The following CLIC5 variants were observed in gnomAD, a reference collection of about 807,000 sequenced individuals.
The protein encoded by CLIC5 is CLIC family member 5.
CLIC5 carries 20 observed loss-of-function variants against 24.7 expected under a neutral mutation model. The ratio of observed to expected loss-of-function variants is 0.81; its 90% confidence interval spans 0.57 to 1.18. The LOEUF (loss-of-function observed/expected upper bound fraction) is 1.18, where lower values mean the gene tolerates loss of function less well. CLIC5 is among the 50% of genes most tolerant of loss of function. CLIC5 has a pLI of 0.00. For synonymous variants in CLIC5, 159 were observed against 135.6 expected, an observed-to-expected ratio of 1.17 and a Z score of -1.20; for missense variants, 341 against 326.1, an observed-to-expected ratio of 1.05 and a Z score of -0.35.
At chr6:46,065,172 T>C (rs1762407362) in intron 1 of CLIC5, among the ~76,000 whole-genome samples, 1 of 152,090 alleles carries the variant, frequency 6.6e-6, no homozygotes, top group Non-Finnish European at 1.5e-5. Flanking sequence ...GAAAAGATGC[T>C]CAGCCTAATT....
chr6:46,017,559 T>C (rs542374230), upstream of CLIC5, among the ~76,000 whole-genome samples: 2 of 152,214 alleles, frequency 1.3e-5, no homozygotes, highest in South Asian at 4.1e-4. Flanking sequence ...CTGCTTTTCT[T>C]AGTGCACACT....
At chr6:45,913,973 C>A (rs1433221038) in intron 5 of CLIC5, among the ~76,000 whole-genome samples, 1 of 152,136 alleles carries the variant, frequency 6.6e-6, no homozygotes, top group East Asian at 1.9e-4. Flanking sequence ...ATATGCCAAG[C>A]ACTTTCACGC....
upstream of CLIC5, among the ~76,000 whole-genome samples, chr6:46,081,832 G>A (rs765862841): frequency 2.6e-5 from 4 of 152,152 alleles, no homozygotes; most frequent in African/African-American, 9.7e-5. Context: ...TGAACCTCCA[G>A]CTCAGTAATA....
intron 1 of CLIC5, among the ~76,000 whole-genome samples, chr6:46,031,515 A>T (rs1192101161): frequency 6.6e-6 from 1 of 152,206 alleles, no homozygotes; most frequent in Non-Finnish European, 1.5e-5. Context: ...AAGATTTGTA[A>T]TAAAAATTGT....
At chr6:46,070,404 T>G (rs1390929270) in intron 1 of CLIC5, among the ~76,000 whole-genome samples, 1 of 152,078 alleles carries the variant, frequency 6.6e-6, no homozygotes, top group Admixed American at 6.6e-5. Flanking sequence ...TGTACAAAAA[T>G]CACTAGTATT....
chr6:45,927,700 GAGACTCAA>G (rs1187323054), intron 4 of CLIC5, among the ~76,000 whole-genome samples: 5 of 152,108 alleles, frequency 3.3e-5, no homozygotes, highest in Non-Finnish European at 5.9e-5. Context: ...GCTGCCCCTA[GAGACTCAA>G]AGTGTTTTTT....
chr6:45,981,185 G>C (rs575068659), intron 1 of CLIC5, among the ~76,000 whole-genome samples: 5 of 151,968 alleles, frequency 3.3e-5, no homozygotes, highest in African/African-American at 1.2e-4. Context: ...TCCCAGGCTG[G>C]TCTTGAAACC....
In CLIC5 at chr6:46,050,853, A is replaced by ATGTGTGTGTGTGTGTGTGTGTGTGTG. The variant is rs56660827; in HGVS notation, c.540+28849_540+28850insCACACACACACACACACACACACACA. Among the ~76,000 whole-genome samples the ATGTGTGTGTGTGTGTGTGTGTGTGTG allele has an allele frequency of 2.0e-5, 3 of 148,676 alleles. No homozygotes were observed. In the South Asian group the frequency reaches 6.5e-4, roughly 32 times the overall value. On this transcript the variant is annotated intron_variant, in intron 1 of 5. Transcript: ENST00000185206. ...TATTTAAGGTATAAAGTGTGTGTGT[A>ATGTGTGTGTGTGTGTGTGTGTGTGTG]TGTGTGTGTGTGTGTGTGTGTGTGC...
At chr6:45,942,122 G>A (rs1428330001) in intron 3 of CLIC5, among the ~76,000 whole-genome samples, 1 of 152,178 alleles carries the variant, frequency 6.6e-6, no homozygotes, top group African/African-American at 2.4e-5. Context: ...AGCCAGGTAT[G>A]TTAGCATTAA....
At chr6:45,945,643 G>GCAA (rs1471278121) in intron 3 of CLIC5, among the ~76,000 whole-genome samples, 2 of 152,098 alleles carry the variant, frequency 1.3e-5, no homozygotes, top group African/African-American at 4.8e-5. Context: ...CTTTGTTACT[G>GCAA]CAACATAGCA....
At chr6:45,921,126 T>C (rs1030397870) in intron 4 of CLIC5, among the ~76,000 whole-genome samples, 1 of 152,200 alleles carries the variant, frequency 6.6e-6, no homozygotes, top group Non-Finnish European at 1.5e-5. Context: ...ACTGGGGTTT[T>C]CTCATCCGCA....
At chr6:46,047,098 A>G (rs1767975514) in intron 1 of CLIC5, among the ~76,000 whole-genome samples, 1 of 152,232 alleles carries the variant, frequency 6.6e-6, no homozygotes, top group African/African-American at 2.4e-5. Flanking sequence ...GCAACTGGTT[A>G]AGACCAATGC....
chr6:45,977,680 T>C (rs1227481534), intron 1 of CLIC5, among the ~76,000 whole-genome samples: 1 of 152,158 alleles, frequency 6.6e-6, no homozygotes, highest in African/African-American at 2.4e-5. Context: ...CCACCTCCTC[T>C]GACTAGGCTC....
the CLIC5 span, among the ~76,000 whole-genome samples, chr6:46,105,823 G>A: frequency 9.3e-4 from 141 of 152,318 alleles, no homozygotes; most frequent in Admixed American, 1.6e-3. Flanking sequence ...GTGGGTCACT[G>A]GCAAGAACTA....
At chr6:46,015,316 A>T (rs1179499498) in intron 1 of CLIC5, among the ~76,000 whole-genome samples, 164 bp downstream of exon 1, 1 of 152,210 alleles carries the variant, frequency 6.6e-6, no homozygotes, top group Non-Finnish European at 1.5e-5. Flanking sequence ...CATTCCGCCC[A>T]GGAGCCTCGC....
intron 1 of CLIC5, among the ~76,000 whole-genome samples, chr6:46,052,275 C>T (rs1278084894): frequency 1.3e-5 from 2 of 152,220 alleles, no homozygotes; most frequent in Admixed American, 6.5e-5. Flanking sequence ...ACACACTTCA[C>T]ATTCACCAGC....
At chr6:45,957,181 A>G (rs1764673547) in intron 1 of CLIC5, among the ~76,000 whole-genome samples, 1 of 152,220 alleles carries the variant, frequency 6.6e-6, no homozygotes. Flanking sequence ...GTGGGAGGAT[A>G]AGGGAATTGA....
the CLIC5 span, among the ~76,000 whole-genome samples, chr6:46,118,745 C>T: frequency 6.6e-6 from 1 of 152,182 alleles, no homozygotes; most frequent in Non-Finnish European, 1.5e-5. Flanking sequence ...CTTCTCTTAT[C>T]TTGGTGCCTT....
At chr6:45,949,520 T>C in intron 2 of CLIC5, 139 bp from the exon 3 acceptor site, 2 of 927,016 alleles carry the variant, frequency 2.2e-6, no homozygotes, top group South Asian at 1.7e-5. Flanking sequence ...GTATGCAGTA[T>C]AGGGCAGGGG....
Sources: allele counts gnomAD v4.1 joint callset (sites outside exome capture counted in the v4.1 genomes callset), GRCh38; gene constraint gnomAD v4.1.1; transcripts MANE v1.5; gene names NCBI Gene and HGNC (gene_info 2026-07-23, HGNC 2026-07-21).